CLASP2: variants seen among roughly 807,000 people sequenced by gnomAD.
CLASP2 encodes cytoplasmic linker associated protein 2, also known as CLIP-associating protein 2.
A neutral mutation model predicts 194.4 loss-of-function variants in CLASP2; 47 were observed. That is an observed-to-expected ratio of 0.24 (90% CI 0.19 to 0.31). The LOEUF is 0.31. Among genes scored for constraint, CLASP2 ranks in the 10% least tolerant of loss-of-function variants. The pLI is 1.00. For synonymous variants in CLASP2, 619 were observed against 633.5 expected (o/e 0.98, Z 0.34); for missense variants, 1,445 against 1,823.6 (o/e 0.79, Z 3.78).
At chr3:33,618,265 T>C (rs993636875) in intron 12 of CLASP2, among the ~76,000 whole-genome samples, 2 of 152,124 alleles carry the variant, frequency 1.3e-5, no homozygotes, top group African/African-American at 2.4e-5. Flanking sequence ...GATAATTTGA[T>C]GCTATATCCT....
Position 33,503,458 on chromosome 3 carries a change from T to A in CLASP2, c.4318-1690A>T, listed in dbSNP as rs183659375. On this transcript the variant is annotated intron_variant, in intron 37 of 38. Coordinates refer to ENST00000682230, the MANE Select transcript of CLASP2 (RefSeq NM_001365631.1). ...TTTTTTTTTTCCTTGAGATGACGTC[T>A]TGCTCCGTTGCCTAGGCTGGACTGC... 23 of 151,854 alleles carry A rather than the reference T, an allele frequency of 1.5e-4. No homozygotes were observed. In the East Asian group the frequency reaches 4.5e-3, roughly 29 times the overall value. The allele number at this position is 151,854 out of a possible 1,614,324, so 9.4% of individuals were successfully genotyped here. A position where few individuals can be genotyped will look rare whatever the true frequency, so the allele number is the denominator to read the frequency against.
intron 24 of CLASP2, among the ~76,000 whole-genome samples, chr3:33,575,709 A>G (rs1284943298): frequency 6.6e-6 from 1 of 152,104 alleles, no homozygotes; most frequent in African/African-American, 2.4e-5. Context: ...ATATCTAACT[A>G]TAAGATATAA....
At chr3:33,683,082 A>G (rs562207783) in intron 6 of CLASP2, 3 of 152,358 alleles carry the variant, frequency 2.0e-5, no homozygotes, top group Non-Finnish European at 1.5e-5. Flanking sequence ...TCAACAGTAC[A>G]TACTTTTAAA....
chr3:33,531,892 T>C (rs1417662524), intron 34 of CLASP2, among the ~76,000 whole-genome samples: 1 of 152,150 alleles, frequency 6.6e-6, no homozygotes, highest in Non-Finnish European at 1.5e-5. Flanking sequence ...GGTGAGGATA[T>C]GGGAAACTGA....
intron 1 of CLASP2, among the ~76,000 whole-genome samples, chr3:33,709,414 T>C (rs1057343499): frequency 2.0e-5 from 3 of 152,152 alleles, no homozygotes; most frequent in East Asian, 1.9e-4. Flanking sequence ...TGTCAAAAAT[T>C]AGTTGACTAT....
At chr3:33,566,393 C>G (rs1297765201) in intron 27 of CLASP2, among the ~76,000 whole-genome samples, 3 of 152,110 alleles carry the variant, frequency 2.0e-5, no homozygotes, top group Non-Finnish European at 4.4e-5. Context: ...TCAATAGAAT[C>G]AATTTATTAT....
At chr3:33,710,641 T>C (rs1467811321) in intron 1 of CLASP2, among the ~76,000 whole-genome samples, 1 of 152,060 alleles carries the variant, frequency 6.6e-6, no homozygotes, top group African/African-American at 2.4e-5. Flanking sequence ...CACTTTAAAT[T>C]ACCGAGGAGT....
At position 33,538,739 on chromosome 3, in the gene CLASP2, A is replaced by G. The variant is rs146557541; in HGVS notation, c.3558+50T>C. On this transcript the variant is annotated intron_variant, in intron 33 of 38. Coordinates refer to ENST00000682230, the MANE Select transcript of CLASP2 (RefSeq NM_001365631.1). ...AAAGCAAAATGTAATTTAAAAAATT[A>G]TTAATGAACAATAAAATAGTCTGGA... 395 of 1,385,736 alleles carry G rather than the reference A, an allele frequency of 2.9e-4. 3 individuals are homozygous for G. In the African/African-American group the frequency reaches 4.2e-3, roughly 15 times the overall value. 85.8% of individuals were successfully genotyped at this position (1,385,736 alleles called of 1,614,324 possible).
chr3:33,627,613 T>TA lies in CLASP2; in HGVS notation c.943-534_943-533insT, dbSNP rs541567342. On this transcript the variant is annotated intron_variant, in intron 9 of 38. Coordinates refer to ENST00000682230, the MANE Select transcript of CLASP2 (RefSeq NM_001365631.1). Reference sequence around the variant, plus strand: ...ATATTCACATAACACAGAGGTACTATGCTAGGCAATGGAGAAACTATGGTT... The same window carrying TA: ...ATATTCACATAACACAGAGGTACTATAGCTAGGCAATGGAGAAACTATGGTT... Among the ~76,000 whole-genome samples the TA allele has an allele frequency of 1.3e-3, 200 of 152,278 alleles. 2 individuals are homozygous for TA. Among genetic ancestry groups the TA allele is most frequent in the African/African-American group, 4.6e-3 (191 of 41,572 alleles).
chr3:33,577,457 C>T (rs1307720054), intron 23 of CLASP2, among the ~76,000 whole-genome samples: 1 of 151,932 alleles, frequency 6.6e-6, no homozygotes, highest in Non-Finnish European at 1.5e-5. Context: ...ACATCTTACA[C>T]CTAAGTGGAC....
chr3:33,590,786 C>T (rs2068593597), intron 21 of CLASP2, among the ~76,000 whole-genome samples: 1 of 152,152 alleles, frequency 6.6e-6, no homozygotes, highest in Non-Finnish European at 1.5e-5. Context: ...TTCCTGATTT[C>T]AAAATTCAGG....
At chr3:33,514,299 T>C (rs910903731) in intron 36 of CLASP2, among the ~76,000 whole-genome samples, 2 of 152,104 alleles carry the variant, frequency 1.3e-5, no homozygotes, top group Non-Finnish European at 2.9e-5. Flanking sequence ...TTTTTTTTTT[T>C]AAATGTTACC....
Position 33,587,857 on chromosome 3 carries a change from GCAA to G in CLASP2, c.2069-2940_2069-2938del, listed in dbSNP as rs990756117. ...AATGGAATGTTTTATGGGAAAACTC[GCAA>G]CAATATAAAAAGTATAAATAATGAA... On this transcript the variant is annotated intron_variant, in intron 21 of 38. Transcript: ENST00000682230. Among the ~76,000 whole-genome samples, 4 of 152,194 alleles carry G rather than the reference GCAA, an allele frequency of 2.6e-5. No individual in the cohort carries two copies. In the East Asian group the frequency reaches 5.8e-4, roughly 22 times the overall value.
chr3:33,570,617 A>G (rs568464711), intron 26 of CLASP2, 110 bp downstream of exon 26: 1 of 1,308,750 alleles, frequency 7.6e-7, no homozygotes, highest in East Asian at 2.5e-5. Context: ...GCTTGAAAAT[A>G]TTACTGCCAT....
At chr3:33,626,199 A>C (rs1479104009) in intron 10 of CLASP2, among the ~76,000 whole-genome samples, 1 of 152,110 alleles carries the variant, frequency 6.6e-6, no homozygotes, top group East Asian at 1.9e-4. Context: ...GTGTCATAAA[A>C]GCCATATTTG....
At position 33,535,337 on chromosome 3, in the gene CLASP2, G is replaced by A. The variant is rs750046209; in HGVS notation, c.3683C>T (p.Ser1228Phe). ...ATAGTTATATGGATTATAGTCTCGA[G>A]AGCGTGGAGAGGAGTGAGTAGGCAT... Reference protein sequence around the residue: ...HSMPTHSSPRSRDYNPYNYSD... With the variant: ...HSMPTHSSPRFRDYNPYNYSD... The change falls in exon 34 of 39, where the codon TCT (serine) becomes TTT (phenylalanine). Residue 1228 changes from serine to phenylalanine, a missense_variant. Physicochemically the swap from Ser to Phe is radical, Grantham distance 155. Around this residue, in one of 4 missense-constraint regions of CLASP2, gnomAD observed 732 missense variants for 987.9 expected, o/e 0.74. Transcript: ENST00000682230. 5 of 1,613,890 alleles carry A rather than the reference G, an allele frequency of 3.1e-6. No homozygotes were observed. Among genetic ancestry groups the A allele is most frequent in the East Asian group, 4.5e-5 (2 of 44,872 alleles).
At chr3:33,594,000 C>A (rs1334259143) in intron 20 of CLASP2, among the ~76,000 whole-genome samples, 1 of 152,120 alleles carries the variant, frequency 6.6e-6, no homozygotes, top group African/African-American at 2.4e-5. Flanking sequence ...GGTGCCACCA[C>A]ACCCAGCTAA....
chr3:33,584,624 T>C, intron 22 of CLASP2, 126 bp downstream of exon 22: 1 of 898,792 alleles, frequency 1.1e-6, no homozygotes, highest in Non-Finnish European at 1.6e-6. Context: ...AATTGTTGAA[T>C]TTTTAAGTTA....
intron 11 of CLASP2, among the ~76,000 whole-genome samples, chr3:33,620,387 G>A (rs1229170124): frequency 6.6e-6 from 1 of 152,020 alleles, no homozygotes; most frequent in Non-Finnish European, 1.5e-5. Flanking sequence ...AAACTAGGAG[G>A]GATATTGTAA....
Sources: gnomAD v4.1 joint callset for allele counts (sites outside exome capture counted in the v4.1 genomes callset) on GRCh38, gnomAD v4.1.1 for gene constraint, gnomAD v4.1.1 regional missense constraint, MANE v1.5 for transcripts, NCBI Gene and HGNC (gene_info 2026-07-23, HGNC 2026-07-21) for gene names.